Variants in RC3H2 observed in about 807,000 individuals in gnomAD.
The protein encoded by RC3H2 is roquin-2.
A neutral mutation model predicts 133.3 loss-of-function variants in RC3H2; 31 were observed. The ratio of observed to expected loss-of-function variants is 0.23; its 90% CI spans 0.17 to 0.31. The LOEUF (loss-of-function observed/expected upper bound fraction) is 0.31, where lower values mean the gene tolerates loss of function less well. Ranked by LOEUF, RC3H2 falls within the 10% of genes least tolerant of loss-of-function variation. The probability of loss-of-function intolerance (pLI) is 1.00; values close to 1 mark genes in which losing one functional copy is unlikely to be tolerated. For missense variants in RC3H2, 1,175 were observed against 1,437.2 expected (o/e 0.82, Z 2.95); for synonymous variants, 517 against 502.2 (o/e 1.03, Z -0.40).
chr9:122,864,920 G>A (rs1242539444), intron 10 of RC3H2, among the ~76,000 whole-genome samples: 2 of 151,972 alleles, frequency 1.3e-5, no homozygotes, highest in Non-Finnish European at 2.9e-5. Flanking sequence ...CACTGCACCC[G>A]GCCAAGTGCT....
At chr9:122,898,387 A>G (rs1832509002) in intron 1 of RC3H2, among the ~76,000 whole-genome samples, 1 of 152,188 alleles carries the variant, frequency 6.6e-6, no homozygotes, top group Non-Finnish European at 1.5e-5. Flanking sequence ...AAAAAGTTAT[A>G]TATGCATGAT....
At position 122,890,367 on chromosome 9, in the gene RC3H2, C is replaced by T; in HGVS notation, c.528G>A (p.Leu176=). ...LILQHQNPQQ[L]SANLWAAVRA... ...TGACAGCGGCCCATAGATTGGCAGACAACTGCTGAGGGTTCTGGTGCTGTA... is the reference window on the plus strand; with the variant it reads ...TGACAGCGGCCCATAGATTGGCAGATAACTGCTGAGGGTTCTGGTGCTGTA... Residue 176 remains leucine, a synonymous_variant, in exon 4 of 21, where the codon TTG becomes TTA. Transcript: ENST00000357244. The T allele has an allele frequency of 1.2e-6, 2 of 1,614,168 alleles. No homozygotes were observed. The highest frequency in any genetic ancestry group is 1.7e-6 in the Non-Finnish European group (2 of 1,180,038).
chr9:122,900,964 A>G (rs1377307908), intron 1 of RC3H2, among the ~76,000 whole-genome samples: 1 of 152,222 alleles, frequency 6.6e-6, no homozygotes, highest in Non-Finnish European at 1.5e-5. Flanking sequence ...ATGAGTGCTG[A>G]CACATAAAAC....
chr9:122,858,592 C>A, intron 12 of RC3H2, 77 bp downstream of exon 12: 1 of 1,218,232 alleles, frequency 8.2e-7, no homozygotes, highest in Admixed American at 2.0e-5. Context: ...AGTGGAGGAG[C>A]CAGGATATAT....
chr9:122,882,205 CAG>C (rs1208959902), intron 5 of RC3H2, among the ~76,000 whole-genome samples: 3 of 152,172 alleles, frequency 2.0e-5, no homozygotes, highest in African/African-American at 7.2e-5. Context: ...TCAAAAGATA[CAG>C]AGTTTTACAG....
At chr9:122,869,859 T>C (rs1373343025) in intron 9 of RC3H2, among the ~76,000 whole-genome samples, 10 of 152,148 alleles carry the variant, frequency 6.6e-5, no homozygotes, top group Admixed American at 6.5e-4. Flanking sequence ...CATAAGCCAC[T>C]GTGCCTGGCC....
intron 18 of RC3H2, among the ~76,000 whole-genome samples, chr9:122,853,447 TA>T (rs1191048200): frequency 1.3e-5 from 2 of 150,260 alleles, no homozygotes; most frequent in Non-Finnish European, 3.0e-5. Flanking sequence ...CCTTTTAAAT[TA>T]AAGTAAAAAA....
At chr9:122,889,024 GT>G (rs2131482713) in intron 4 of RC3H2, among the ~76,000 whole-genome samples, 1 of 152,274 alleles carries the variant, frequency 6.6e-6, no homozygotes, top group South Asian at 2.1e-4. Context: ...GTGAGAAATG[GT>G]ATTTCTTGCA....
At chr9:122,863,388 C>T (rs571133039) in intron 10 of RC3H2, among the ~76,000 whole-genome samples, 22 of 152,288 alleles carry the variant, frequency 1.4e-4, no homozygotes, top group African/African-American at 5.1e-4. Context: ...CCTATCTAAC[C>T]TTATTTTATA....
intron 1 of RC3H2, among the ~76,000 whole-genome samples, chr9:122,901,374 A>G (rs1832640290): frequency 6.6e-6 from 1 of 152,212 alleles, no homozygotes; most frequent in African/African-American, 2.4e-5. Flanking sequence ...TAGCTAAAAG[A>G]CAAGTAAAAA....
intron 9 of RC3H2, among the ~76,000 whole-genome samples, chr9:122,866,132 T>TA (rs1830640132): frequency 6.6e-6 from 1 of 152,110 alleles, no homozygotes; most frequent in African/African-American, 2.4e-5. Context: ...TTATATAATT[T>TA]AAAAAAATAA....
At chr9:122,893,358 G>A (rs1832267368) in intron 2 of RC3H2, among the ~76,000 whole-genome samples, 1 of 152,174 alleles carries the variant, frequency 6.6e-6, no homozygotes, top group Non-Finnish European at 1.5e-5. Context: ...GCCAGGTGTG[G>A]TGGTGGATGC....
Position 122,890,339 on chromosome 9 carries a change from C to T in RC3H2, c.556G>A (p.Ala186Thr). Residue 186 changes from alanine (A) to threonine (T), a missense_variant, in exon 4 of 21, where the codon GCT becomes ACT. Physicochemically the swap from Ala to Thr is moderately conservative, Grantham distance 58. Coordinates refer to ENST00000357244, the MANE Select transcript of RC3H2 (RefSeq NM_001100588.3). ...GGCCCTAAAAACTGGCATCCTCGAG[C>T]CCTGACAGCGGCCCATAGATTGGCA... ...LSANLWAAVR[A>T]RGCQFLGPAM... The T allele has an allele frequency of 1.2e-6, 2 of 1,614,090 alleles. No homozygotes were observed. Among genetic ancestry groups the T allele is most frequent in the Non-Finnish European group, 1.7e-6 (2 of 1,180,024 alleles).
At chr9:122,850,826 C>A (rs1228763873) in intron 20 of RC3H2, among the ~76,000 whole-genome samples, 2 of 152,226 alleles carry the variant, frequency 1.3e-5, no homozygotes, top group East Asian at 3.9e-4. Flanking sequence ...AATTTGGCAA[C>A]CAGATTAAAG....
chr9:122,877,177 C>G (rs1472461731), intron 9 of RC3H2, among the ~76,000 whole-genome samples: 3 of 152,102 alleles, frequency 2.0e-5, no homozygotes, highest in Admixed American at 1.3e-4. Flanking sequence ...TCAAGCAATC[C>G]TTCCACTTCA....
In RC3H2 at chr9:122,851,576, C is replaced by T. The variant is rs968049709; in HGVS notation, c.3118-140G>A. ...AAGCTGGACTATACTGCTGCCATCT[C>T]GGCTCACTGCAACCTCCCTGCCTGA... is the stretch of plus-strand genomic sequence containing the variant. On this transcript the variant is annotated intron_variant, in intron 18 of 20. Coordinates refer to ENST00000357244, the MANE Select transcript of RC3H2 (RefSeq NM_001100588.3). 24 of 1,118,454 alleles carry T rather than the reference C, an allele frequency of 2.1e-5. No homozygotes were observed. The African/African-American group carries it at 3.6e-4, about 17-fold the overall frequency. 69.3% of individuals were successfully genotyped at this position (1,118,454 alleles called of 1,614,324 possible).
At position 122,855,278 on chromosome 9, in the gene RC3H2, C is replaced by T. The variant is rs766562631; in HGVS notation, c.2721G>A (p.Ala907=). 27 of 1,613,994 alleles carry T rather than the reference C, an allele frequency of 1.7e-5. No homozygotes were observed. Among genetic ancestry groups the T allele is most frequent in the South Asian group, 8.8e-5 (8 of 91,076 alleles). Residue 907 remains alanine, a synonymous_variant, in exon 15 of 21, where the codon GCG becomes GCA. Coordinates refer to ENST00000357244, the MANE Select transcript of RC3H2 (RefSeq NM_001100588.3). ...AACCTGTACGGGAAGATCTGGAAAT[C>T]GCACCCCATTTTGAGATGATGGGTC... ...SDGPIISKWG[A]ISRSSRTGYH...
chr9:122,868,275 C>T (rs1344476363), intron 9 of RC3H2, among the ~76,000 whole-genome samples: 1 of 152,308 alleles, frequency 6.6e-6, no homozygotes, highest in East Asian at 1.9e-4. Context: ...GCCATGATGA[C>T]AATTGCGGTT....
At chr9:122,871,506 T>TG (rs34377701) in intron 9 of RC3H2, among the ~76,000 whole-genome samples, 10,695 of 127,560 alleles carry the variant, frequency 0.084, 554 homozygotes, top group African/African-American at 0.13. Flanking sequence ...ACCGTGTTAG[T>TG]GGGGGGGGGG....
Sources: allele counts gnomAD v4.1 joint callset (sites outside exome capture counted in the v4.1 genomes callset), GRCh38; gene constraint gnomAD v4.1.1; transcripts MANE v1.5; gene names NCBI Gene and HGNC (gene_info 2026-07-23, HGNC 2026-07-21).